Variants in LRTM3 observed in about 807,000 individuals in gnomAD.
LRTM3 encodes leucine-rich repeat transmembrane protein 3.
At chr13:102,732,216 T>A in the LRTM3 span, 1 of 1,551,442 alleles carries the variant, frequency 6.4e-7, no homozygotes, top group Admixed American at 2.0e-5. Context: ...TCTAGGTTTG[T>A]CTTAGGGTCA....
the LRTM3 span, chr13:102,730,210 A>C: frequency 6.4e-7 from 1 of 1,551,246 alleles, no homozygotes; most frequent in African/African-American, 1.4e-5. Context: ...ATTTCAAATC[A>C]GTCGTGATTT....
the LRTM3 span, chr13:102,749,580 C>T: frequency 1.9e-6 from 3 of 1,551,282 alleles, no homozygotes; most frequent in South Asian, 3.6e-5. Flanking sequence ...ATTGATGGAA[C>T]TTCAACAAAA....
chr13:102,746,712 G>A, the LRTM3 span: 1 of 1,551,090 alleles, frequency 6.4e-7, no homozygotes, highest in Non-Finnish European at 8.7e-7. Context: ...GAAGTTGCTG[G>A]TAAATCTTTT....
chr13:102,735,046 T>A, the LRTM3 span: 2 of 1,551,254 alleles, frequency 1.3e-6, no homozygotes, highest in Non-Finnish European at 1.7e-6. Flanking sequence ...CCTGAAACCC[T>A]GTATTCACAT....
chr13:102,750,448 C>T, the LRTM3 span: 1 of 986,716 alleles, frequency 1.0e-6, no homozygotes, highest in South Asian at 1.8e-5. Context: ...ATAAGAATTA[C>T]CTTTAGATTT....
At chr13:102,730,932 T>C in the LRTM3 span, 6 of 1,551,372 alleles carry the variant, frequency 3.9e-6, no homozygotes, top group African/African-American at 4.1e-5. Flanking sequence ...CCAGGATGAA[T>C]ACAGTTAGAT....
At chr13:102,746,568 A>C in the LRTM3 span, 1 of 1,550,968 alleles carries the variant, frequency 6.4e-7, no homozygotes, top group South Asian at 1.2e-5. Flanking sequence ...ACTGTCTCTG[A>C]GATTGATGGC....
At chr13:102,757,843 ATAT>A in the LRTM3 span, among the ~76,000 whole-genome samples, 1 of 152,206 alleles carries the variant, frequency 6.6e-6, no homozygotes, top group Non-Finnish European at 1.5e-5. Flanking sequence ...AACAGAGACT[ATAT>A]TATGGTTTGA....
chr13:102,744,408 A>G, the LRTM3 span: 2 of 1,550,114 alleles, frequency 1.3e-6, no homozygotes, highest in Admixed American at 2.0e-5. Context: ...TTTTCATCCC[A>G]AGGGGTATCA....
the LRTM3 span, chr13:102,742,729 A>T: frequency 1.3e-6 from 2 of 1,550,672 alleles, no homozygotes; most frequent in Non-Finnish European, 1.7e-6. Flanking sequence ...TTGACCTGTC[A>T]GCCATTTTAA....
chr13:102,732,686 C>T, the LRTM3 span: 3 of 1,551,232 alleles, frequency 1.9e-6, no homozygotes, highest in South Asian at 1.2e-5. Flanking sequence ...GTGTGCACTA[C>T]TGCTTGTGTC....
At chr13:102,749,597 T>A in the LRTM3 span, 5 of 1,551,344 alleles carry the variant, frequency 3.2e-6, no homozygotes, top group Non-Finnish European at 4.4e-6. Context: ...AAAATGTTGG[T>A]TCCTATCCAG....
chr13:102,738,757 A>T, the LRTM3 span: 8 of 1,550,524 alleles, frequency 5.2e-6, no homozygotes, highest in Admixed American at 1.2e-4. Flanking sequence ...CTTTAGAGTA[A>T]GGTAGAAAAG....
At chr13:102,746,198 A>G in the LRTM3 span, 1 of 1,551,008 alleles carries the variant, frequency 6.4e-7, no homozygotes, top group Non-Finnish European at 8.7e-7. Flanking sequence ...TAAACAGTTC[A>G]GCACTGGGTC....
the LRTM3 span, chr13:102,731,564 T>C: frequency 6.4e-7 from 1 of 1,551,510 alleles, no homozygotes; most frequent in South Asian, 1.2e-5. Flanking sequence ...TGACTTCAAG[T>C]CGTCAGGCTT....
chr13:102,747,189 C>T, the LRTM3 span: 2 of 1,550,660 alleles, frequency 1.3e-6, no homozygotes, highest in Admixed American at 2.0e-5. Context: ...TGGGATTCCT[C>T]TTGGACTAGC....
At chr13:102,743,816 G>A in the LRTM3 span, 88 of 1,549,904 alleles carry the variant, frequency 5.7e-5, no homozygotes, top group African/African-American at 9.9e-4. Flanking sequence ...TAAACATTTG[G>A]CATTGAATAT....
the LRTM3 span, among the ~76,000 whole-genome samples, chr13:102,756,696 CA>C: frequency 9.4e-5 from 10 of 106,554 alleles, no homozygotes; most frequent in Non-Finnish European, 1.6e-4. Context: ...AAAAAAAAAA[CA>C]AAAAAACAAA....
chr13:102,758,980 G>T, the LRTM3 span: 1 of 1,142,068 alleles, frequency 8.8e-7, no homozygotes, highest in Non-Finnish European at 1.2e-6. Context: ...AGAAGTCCTT[G>T]ATTTCAGAGG....
Sources: gnomAD v4.1 joint callset for allele counts (sites outside exome capture counted in the v4.1 genomes callset) on GRCh38, gnomAD v4.1.1 for gene constraint, MANE v1.5 for transcripts, NCBI Gene and HGNC (gene_info 2026-07-23, HGNC 2026-07-21) for gene names.